Variants in RAVER2 observed in about 807,000 individuals in gnomAD.
The protein encoded by RAVER2 is ribonucleoprotein PTB-binding 2.
Under a neutral mutation model 78.1 loss-of-function variants are expected in RAVER2, and 46 were observed. That is an observed-to-expected ratio of 0.59 (90% CI 0.46 to 0.75). The LOEUF is 0.75. Among genes scored for constraint, RAVER2 ranks in the 30% least tolerant of loss-of-function variants. The probability of loss-of-function intolerance (pLI) is 0.00; values close to 1 mark genes in which losing one functional copy is unlikely to be tolerated. For missense variants in RAVER2, 793 were observed against 837.5 expected (o/e 0.95, Z 0.66); for synonymous variants, 311 against 313.3 (o/e 0.99, Z 0.08).
At chr1:64,812,362 CAA>C (rs61411897) in intron 9 of RAVER2, among the ~76,000 whole-genome samples, 7 of 70,050 alleles carry the variant, frequency 1.0e-4, no homozygotes, top group Admixed American at 3.6e-4. Flanking sequence ...ATTCCATCTC[CAA>C]AAAAAAAAAA....
At chr1:64,761,210 G>A (rs757933757) in intron 1 of RAVER2, among the ~76,000 whole-genome samples, 4 of 152,182 alleles carry the variant, frequency 2.6e-5, no homozygotes, top group Non-Finnish European at 5.9e-5. Flanking sequence ...CAAAAAGTTG[G>A]TATTGAAACG....
chr1:64,759,811 C>T (rs368887322), intron 1 of RAVER2, among the ~76,000 whole-genome samples: 4 of 152,082 alleles, frequency 2.6e-5, no homozygotes, highest in East Asian at 1.9e-4. Flanking sequence ...CCACCGTGCC[C>T]GGCCTATTTT....
chr1:64,772,399 G>A (rs1425361399), intron 2 of RAVER2, among the ~76,000 whole-genome samples: 1 of 152,086 alleles, frequency 6.6e-6, no homozygotes, highest in Non-Finnish European at 1.5e-5. Context: ...ATTTATATAT[G>A]CATTTATTTA....
At chr1:64,780,697 C>T (rs1395419195) in intron 3 of RAVER2, among the ~76,000 whole-genome samples, 1 of 152,096 alleles carries the variant, frequency 6.6e-6, no homozygotes, top group African/African-American at 2.4e-5. Context: ...CTTATTTTTG[C>T]TCTTTGTACC....
Position 64,745,167 on chromosome 1 carries a change from G to A in RAVER2, c.-6G>A. 9.8e-7 allele frequency: 1 copy of A among 1,018,064 alleles called. No homozygotes were observed. 63.1% of individuals were successfully genotyped at this position (1,018,064 alleles called of 1,614,324 possible). ...AGGAGTCCGCAGCCGCTGGGCGCCC[G>A]GGAAGATGGCGGCGGCGGCGGGAGA... On this transcript the variant is annotated 5_prime_UTR_variant, in exon 1 of 12. Transcript: ENST00000294428. This position sits in a 1 kb window ranked among gnomAD's most constrained non-coding sequence, Gnocchi z 4.3.
intron 1 of RAVER2, among the ~76,000 whole-genome samples, chr1:64,761,144 A>G (rs1415230697): frequency 6.6e-6 from 1 of 152,248 alleles, no homozygotes; most frequent in Non-Finnish European, 1.5e-5. Context: ...TATACTGCCA[A>G]TAAAAAGCTG....
At chr1:64,761,380 GA>G (rs1480145528) in intron 1 of RAVER2, among the ~76,000 whole-genome samples, 3 of 152,226 alleles carry the variant, frequency 2.0e-5, no homozygotes, top group African/African-American at 7.2e-5. Context: ...AGTTTCAAAA[GA>G]GGGAGAAGGG....
intron 8 of RAVER2, 76 bp downstream of exon 8, chr1:64,805,181 AT>A (rs1303434099): frequency 1.6e-5 from 21 of 1,347,926 alleles, no homozygotes; most frequent in Non-Finnish European, 1.0e-6. Context: ...CTATGTTCTA[AT>A]TTTATTTACA....
At chr1:64,777,854 A>C in exon 3 of RAVER2, 1 of 1,614,108 alleles carries the variant, frequency 6.2e-7, no homozygotes, top group Non-Finnish European at 8.5e-7. Context: ...GGCCATTCCA[A>C]AGGCTATGGA....
chr1:64,816,953 C>T (rs958799233), intron 11 of RAVER2, among the ~76,000 whole-genome samples: 2 of 152,194 alleles, frequency 1.3e-5, no homozygotes, highest in Non-Finnish European at 1.5e-5. Flanking sequence ...AAACTACCAT[C>T]AGAGTGAACA....
intron 1 of RAVER2, among the ~76,000 whole-genome samples, chr1:64,750,289 CTCTTTTCTTTT>C (rs1385136747): frequency 2.6e-5 from 4 of 150,992 alleles, no homozygotes; most frequent in South Asian, 2.1e-4. Flanking sequence ...TCTGCTCTTT[CTCTTTTCTTTT>C]TCTTTTCTTT....
At chr1:64,801,258 C>T (rs1336885604) in intron 5 of RAVER2, among the ~76,000 whole-genome samples, 2 of 151,432 alleles carry the variant, frequency 1.3e-5, no homozygotes, top group African/African-American at 2.4e-5. Flanking sequence ...GCCACCATGC[C>T]TGGCTAATTT....
chr1:64,818,611 CA>C (rs1397380070), intron 11 of RAVER2, among the ~76,000 whole-genome samples: 1 of 152,070 alleles, frequency 6.6e-6, no homozygotes, highest in Non-Finnish European at 1.5e-5. Flanking sequence ...AATGAATGAC[CA>C]AAAGCAGGCA....
At chr1:64,831,786 A>G (rs2100910650) in exon 12 of RAVER2, 2 of 152,328 alleles carry the variant, frequency 1.3e-5, no homozygotes, top group Middle Eastern at 3.4e-3. Context: ...AACTTATGAC[A>G]TGAAATTTAT....
At chr1:64,807,260 C>T in exon 9 of RAVER2, 1 of 1,614,166 alleles carries the variant, frequency 6.2e-7, no homozygotes. Context: ...GGCATGTTAC[C>T]ATTCTTTCCA....
At chr1:64,778,672 A>G (rs1652539792) in intron 3 of RAVER2, among the ~76,000 whole-genome samples, 1 of 151,144 alleles carries the variant, frequency 6.6e-6, no homozygotes, top group Admixed American at 6.6e-5. Flanking sequence ...GCACTTTATC[A>G]TAGTAAAATT....
chr1:64,826,259 A>G (rs916310782), intron 11 of RAVER2, among the ~76,000 whole-genome samples: 8 of 152,234 alleles, frequency 5.3e-5, no homozygotes, highest in Admixed American at 5.2e-4. Context: ...AGGGGAAAAA[A>G]TTAGTAAAAG....
At position 64,814,830 on chromosome 1, in the gene RAVER2, AT is replaced by A; in HGVS notation, c.1921del (p.Tyr641MetfsTer7). 6.4e-7 allele frequency: 1 copy of A among 1,574,660 alleles called. No homozygotes were observed. On this transcript the variant is annotated frameshift_variant, in exon 11 of 12. Coordinates refer to ENST00000294428, the Ensembl canonical transcript of RAVER2. LOFTEE classifies it high-confidence loss of function. ...ATTGCTTATTCTCCACCTTTTGGTG[AT>A]TATGCACAGGTAAATAATTCCCAGG...
intron 1 of RAVER2, among the ~76,000 whole-genome samples, chr1:64,751,441 G>A (rs756915667): frequency 6.6e-6 from 1 of 152,204 alleles, no homozygotes; most frequent in East Asian, 1.9e-4. Context: ...ACAAGACTCA[G>A]ATCAGGGAAG....
Sources: allele counts gnomAD v4.1 joint callset (sites outside exome capture counted in the v4.1 genomes callset), GRCh38; gene constraint gnomAD v4.1.1; non-coding constraint Gnocchi (gnomAD v3.1); transcripts MANE v1.5; gene names NCBI Gene and HGNC (gene_info 2026-07-23, HGNC 2026-07-21).